PLOD2: variants seen among roughly 807,000 people sequenced by gnomAD.
PLOD2 encodes the protein lysine hydroxylase 2.
PLOD2 carries 65 observed loss-of-function variants against 101.0 expected under a neutral mutation model. The ratio of observed to expected loss-of-function variants is 0.64; its 90% CI spans 0.53 to 0.79. PLOD2 has a LOEUF of 0.79. Ranked by LOEUF, PLOD2 falls within the 30% of genes least tolerant of loss-of-function variation. PLOD2 has a pLI of 0.00. For synonymous variants in PLOD2, 314 were observed against 302.9 expected (o/e 1.04, Z -0.38); for missense variants, 909 against 914.6 (o/e 0.99, Z 0.08).
In PLOD2 at chr3:146,135,878, T is replaced by C. The variant is rs377394389; in HGVS notation, c.110-11649A>G. ...CTGGTAAAAATTTAAGCTGTTTCCA[T>C]TGCACTGCTGTCCAAAAAAAAAAAT... On this transcript the variant is annotated intron_variant, in intron 1 of 19. Coordinates refer to ENST00000282903, the MANE Select transcript of PLOD2 (RefSeq NM_182943.3). 1.7e-4 allele frequency among the ~76,000 whole-genome samples: 26 copies of C among 152,148 alleles called. No homozygotes were observed. In the South Asian group the frequency reaches 3.5e-3, roughly 21 times the overall value.
chr3:146,137,374 G>A (rs1309491265), intron 1 of PLOD2, among the ~76,000 whole-genome samples: 1 of 152,170 alleles, frequency 6.6e-6, no homozygotes, highest in East Asian at 1.9e-4. Flanking sequence ...AGCCTCCTGA[G>A]TAGCTGGGAC....
At chr3:146,134,447 T>C (rs953927639) in intron 1 of PLOD2, among the ~76,000 whole-genome samples, 5 of 152,320 alleles carry the variant, frequency 3.3e-5, no homozygotes, top group Middle Eastern at 3.4e-3. Context: ...GACTTTAATC[T>C]GCTGAATTCC....
Position 146,077,921 on chromosome 3 carries a change from A to G in PLOD2, c.1504T>C (p.Leu502=), listed in dbSNP as rs143800536. 2.5e-6 allele frequency: 4 copies of G among 1,587,676 alleles called. No homozygotes were observed. Among genetic ancestry groups the G allele is most frequent in the Non-Finnish European group, 2.6e-6 (3 of 1,156,444 alleles). Residue 502 remains leucine, a synonymous_variant, in exon 14 of 20, where the codon TTA becomes CTA. Coordinates refer to ENST00000282903, the MANE Select transcript of PLOD2 (RefSeq NM_182943.3). ...ALCRNAREMT[L]QREKDSPTPE... is the part of the protein sequence containing the mutation. ...GTAGGGGAGTCTTTTTCCCTTTGTAAAGTCTAAAATGAAGAGAAGCATTGG... is the reference window on the plus strand; with the variant it reads ...GTAGGGGAGTCTTTTTCCCTTTGTAGAGTCTAAAATGAAGAGAAGCATTGG...
At chr3:146,085,114 C>T (rs1936708676) in intron 11 of PLOD2, 55 bp downstream of exon 11, 1 of 842,206 alleles carries the variant, frequency 1.2e-6, no homozygotes, top group Admixed American at 1.8e-5. Flanking sequence ...ATGTTCACAT[C>T]AATATGAAAA....
intron 1 of PLOD2, among the ~76,000 whole-genome samples, chr3:146,138,945 G>T (rs1197228974): frequency 2.6e-5 from 4 of 152,222 alleles, no homozygotes; most frequent in Non-Finnish European, 5.9e-5. Flanking sequence ...AACCGAGAAA[G>T]ACTAGCTCCA....
At chr3:146,106,420 AC>A (rs1937535314) in intron 5 of PLOD2, 111 bp downstream of exon 5, 5 of 724,428 alleles carry the variant, frequency 6.9e-6, no homozygotes, top group Non-Finnish European at 1.3e-5. Flanking sequence ...AATTCAGTTT[AC>A]CATTTGCCAT....
chr3:146,087,658 C>A (rs1936828339), intron 9 of PLOD2, among the ~76,000 whole-genome samples: 1 of 150,976 alleles, frequency 6.6e-6, no homozygotes, highest in East Asian at 2.0e-4. Context: ...ATAAAAGCAA[C>A]ATAGAGTTAA....
chr3:146,146,213 T>C (rs1176713499), intron 1 of PLOD2, among the ~76,000 whole-genome samples: 2 of 151,936 alleles, frequency 1.3e-5, no homozygotes, highest in Non-Finnish European at 2.9e-5. Context: ...AAAACATCCA[T>C]AAAAATTTAA....
At chr3:146,127,838 C>T (rs1228196490) in intron 1 of PLOD2, among the ~76,000 whole-genome samples, 1 of 152,066 alleles carries the variant, frequency 6.6e-6, no homozygotes, top group African/African-American at 2.4e-5. Context: ...GTCAGAATGG[C>T]TATTGTTAAC....
chr3:146,123,750 C>CT (rs34588668), intron 2 of PLOD2, among the ~76,000 whole-genome samples: 78,043 of 151,286 alleles, frequency 0.52, 20,211 homozygotes, highest in East Asian at 0.57. Flanking sequence ...TACATATTAA[C>CT]TTTTTTTTGC....
rs533969936 is a variant in PLOD2, at chr3:146,132,590, C to CT, written c.110-8362dup. Reference sequence around the variant, plus strand: ...ATTTTATACATGCCAACATTAAGAACTTTTTTTTTTAGGTTTCCTGATCAT... The same window carrying CT: ...ATTTTATACATGCCAACATTAAGAACTTTTTTTTTTTAGGTTTCCTGATCAT... On this transcript the variant is annotated intron_variant, in intron 1 of 19. Coordinates refer to ENST00000282903, the MANE Select transcript of PLOD2 (RefSeq NM_182943.3). 9.7e-3 allele frequency among the ~76,000 whole-genome samples: 1,439 copies of CT among 148,396 alleles called. 10 individuals carry two copies. Among genetic ancestry groups the CT allele is most frequent in the Admixed American group, 0.015 (226 of 14,840 alleles).
chr3:146,087,633 A>T (rs1194010247), intron 9 of PLOD2, among the ~76,000 whole-genome samples: 1 of 151,870 alleles, frequency 6.6e-6, no homozygotes, highest in Non-Finnish European at 1.5e-5. Context: ...GCAGATTTTT[A>T]AAATAACTTA....
intron 3 of PLOD2, among the ~76,000 whole-genome samples, chr3:146,120,224 G>C (rs1467019837): frequency 2.0e-5 from 3 of 151,994 alleles, no homozygotes; most frequent in Admixed American, 6.6e-5. Context: ...TGTGTATTTT[G>C]GCTGCATAAA....
At chr3:146,134,406 A>G (rs2108114683) in intron 1 of PLOD2, among the ~76,000 whole-genome samples, 1 of 152,322 alleles carries the variant, frequency 6.6e-6, no homozygotes, top group South Asian at 2.1e-4. Flanking sequence ...ATGTCAAAGG[A>G]AAATGGATCT....
chr3:146,079,023 A>C (rs543745295), intron 13 of PLOD2, 93 bp downstream of exon 13: 1 of 1,323,542 alleles, frequency 7.6e-7, no homozygotes, highest in African/African-American at 1.4e-5. Context: ...ACAAATTAGC[A>C]AGACAAAGGG....
chr3:146,077,015 T>C, intron 14 of PLOD2, 120 bp from the exon 15 acceptor site: 2 of 1,279,016 alleles, frequency 1.6e-6, no homozygotes, highest in Non-Finnish European at 2.1e-6. Flanking sequence ...TGAACATGCA[T>C]TTTTAGTATT....
At chr3:146,129,875 T>C (rs2030804303) in intron 1 of PLOD2, among the ~76,000 whole-genome samples, 1 of 152,192 alleles carries the variant, frequency 6.6e-6, no homozygotes, top group Non-Finnish European at 1.5e-5. Context: ...TAACTCAAGT[T>C]ATAATCAGCA....
intron 3 of PLOD2, among the ~76,000 whole-genome samples, chr3:146,113,669 G>A (rs564416678): frequency 1.1e-4 from 16 of 152,126 alleles, no homozygotes; most frequent in African/African-American, 3.1e-4. Flanking sequence ...TCTTAATCCC[G>A]TCATCTTCGT....
chr3:146,069,872 T>A lies in PLOD2; in HGVS notation c.*845A>T, dbSNP rs773750318. 2 of 152,360 alleles carry A rather than the reference T, an allele frequency of 1.3e-5. No homozygotes were observed. The highest frequency in any genetic ancestry group is 1.3e-4 in the Admixed American group (2 of 15,204). 9.4% of individuals were successfully genotyped at this position (152,360 alleles called of 1,614,324 possible). A position where few individuals can be genotyped will look rare whatever the true frequency, so the allele number is the denominator to read the frequency against. ...TACTCATCTCAATGAAATTTTTCGT[T>A]TTCCTATTTTCTAGAACTTTCTAAA... On this transcript the variant is annotated 3_prime_UTR_variant, in exon 20 of 20. Coordinates refer to ENST00000282903, the MANE Select transcript of PLOD2 (RefSeq NM_182943.3).
Sources: allele counts gnomAD v4.1 joint callset (sites outside exome capture counted in the v4.1 genomes callset), GRCh38; gene constraint gnomAD v4.1.1; transcripts MANE v1.5; gene names NCBI Gene and HGNC (gene_info 2026-07-23, HGNC 2026-07-21).